LRBA: variants seen among roughly 807,000 people sequenced by gnomAD.
The protein encoded by LRBA is lipopolysaccharide-responsive and beige-like anchor protein.
A neutral mutation model predicts 330.0 loss-of-function variants in LRBA; 176 were observed. The observed-to-expected ratio is 0.53, with a 90% CI of 0.47 to 0.60. LRBA has a LOEUF of 0.60. Among genes scored for constraint, LRBA ranks in the 20% least tolerant of loss-of-function variants. The pLI is 0.00. For synonymous variants in LRBA, 1,230 were observed against 1,193.0 expected (o/e 1.03, Z -0.64); for missense variants, 3,259 against 3,444.8 (o/e 0.95, Z 1.35).
intron 47 of LRBA, among the ~76,000 whole-genome samples, chr4:150,367,614 G>C (rs1031711686): frequency 1.3e-5 from 2 of 152,142 alleles, no homozygotes; most frequent in Non-Finnish European, 2.9e-5. Context: ...CCGAAACTCG[G>C]ATTTATTTGA....
intron 40 of LRBA, among the ~76,000 whole-genome samples, chr4:150,500,932 G>C (rs1197462732): frequency 2.0e-5 from 3 of 152,116 alleles, no homozygotes; most frequent in Non-Finnish European, 2.9e-5. Flanking sequence ...ATTAGTACCT[G>C]CCTCCTACTA....
At chr4:150,559,043 A>T (rs1050789240) in intron 40 of LRBA, among the ~76,000 whole-genome samples, 1 of 152,224 alleles carries the variant, frequency 6.6e-6, no homozygotes, top group Non-Finnish European at 1.5e-5. Context: ...TGAAACTCTC[A>T]GACAGACATA....
intron 36 of LRBA, among the ~76,000 whole-genome samples, chr4:150,708,318 T>A (rs1490376021): frequency 6.6e-6 from 1 of 151,842 alleles, no homozygotes; most frequent in African/African-American, 2.4e-5. Context: ...ATCATTCTGG[T>A]CTTCTATCAA....
intron 37 of LRBA, among the ~76,000 whole-genome samples, chr4:150,619,394 C>T (rs1406185274): frequency 6.6e-6 from 1 of 152,056 alleles, no homozygotes; most frequent in Non-Finnish European, 1.5e-5. Flanking sequence ...TCAAGTATTG[C>T]AAAGCTTAAC....
At chr4:150,813,888 T>A (rs1367150378) in intron 31 of LRBA, among the ~76,000 whole-genome samples, 2 of 152,120 alleles carry the variant, frequency 1.3e-5, no homozygotes, top group Admixed American at 1.3e-4. Context: ...TGTTGTTTGG[T>A]AAGTTAGGTG....
intron 29 of LRBA, among the ~76,000 whole-genome samples, chr4:150,829,188 G>A (rs926009186): frequency 2.6e-5 from 4 of 152,038 alleles, no homozygotes; most frequent in African/African-American, 7.2e-5. Flanking sequence ...TACCTGCCTC[G>A]GCCTCCCAAA....
At chr4:150,839,344 C>G (rs1291748175) in intron 28 of LRBA, among the ~76,000 whole-genome samples, 2 of 152,196 alleles carry the variant, frequency 1.3e-5, no homozygotes, top group Admixed American at 6.5e-5. Flanking sequence ...CCTCAGGGAT[C>G]TAGAACTACA....
intron 27 of LRBA, among the ~76,000 whole-genome samples, 191 bp from the exon 28 acceptor site, chr4:150,844,398 G>A (rs913774187): frequency 4.6e-5 from 7 of 151,966 alleles, no homozygotes; most frequent in African/African-American, 1.7e-4. Flanking sequence ...AAGATGGCAT[G>A]CAGGAAAAAA....
intron 40 of LRBA, among the ~76,000 whole-genome samples, chr4:150,586,048 C>T (rs1215873388): frequency 6.6e-6 from 1 of 152,158 alleles, no homozygotes; most frequent in Non-Finnish European, 1.5e-5. Flanking sequence ...TTTCTAGTTG[C>T]TCTTCCTGTA....
intron 53 of LRBA, among the ~76,000 whole-genome samples, chr4:150,301,891 T>C (rs1268322216): frequency 2.0e-5 from 3 of 152,356 alleles, no homozygotes; most frequent in African/African-American, 7.2e-5. Context: ...TACAGTGTTG[T>C]CATAATCATT....
intron 44 of LRBA, among the ~76,000 whole-genome samples, chr4:150,446,881 T>C (rs1365011057): frequency 1.3e-5 from 2 of 152,330 alleles, no homozygotes; most frequent in Admixed American, 1.3e-4. Context: ...TTTTACCCTT[T>C]TTAAAATGAA....
intron 20 of LRBA, among the ~76,000 whole-genome samples, chr4:150,868,768 T>A (rs370995058): frequency 6.6e-6 from 1 of 151,808 alleles, no homozygotes; most frequent in Non-Finnish European, 1.5e-5. Flanking sequence ...CAAAACCCCA[T>A]CTCTACTAAA....
intron 30 of LRBA, among the ~76,000 whole-genome samples, chr4:150,822,787 C>A (rs1036047351): frequency 6.6e-6 from 1 of 152,026 alleles, no homozygotes; most frequent in African/African-American, 2.4e-5. Flanking sequence ...TGAAGCCAGG[C>A]GCAGTGGCTG....
At chr4:150,995,101 G>A (rs1234443242) in intron 2 of LRBA, among the ~76,000 whole-genome samples, 2 of 152,092 alleles carry the variant, frequency 1.3e-5, no homozygotes, top group Non-Finnish European at 2.9e-5. Context: ...CCCAGTCTCG[G>A]TGGAAGAGAA....
chr4:150,371,294 G>A (rs1335210002), intron 47 of LRBA, among the ~76,000 whole-genome samples: 1 of 144,412 alleles, frequency 6.9e-6, no homozygotes, highest in Admixed American at 7.3e-5. Context: ...CTGGGTTCAA[G>A]CGATTCTCCT....
chr4:150,533,533 C>T (rs1661498096), intron 40 of LRBA, among the ~76,000 whole-genome samples: 1 of 151,994 alleles, frequency 6.6e-6, no homozygotes, highest in Non-Finnish European at 1.5e-5. Context: ...GCTTACACTG[C>T]TGCTGTTGTT....
At chr4:150,615,484 T>C (rs2126599464) in intron 37 of LRBA, among the ~76,000 whole-genome samples, 1 of 152,220 alleles carries the variant, frequency 6.6e-6, no homozygotes, top group South Asian at 2.1e-4. Context: ...CATTGAATTA[T>C]GGATATATAT....
At chr4:150,397,882 G>C (rs1744958928) in intron 47 of LRBA, among the ~76,000 whole-genome samples, 1 of 151,994 alleles carries the variant, frequency 6.6e-6, no homozygotes, top group African/African-American at 2.4e-5. Context: ...AACAATGTCT[G>C]GTGCATATTA....
chr4:150,647,082 G>C (rs1404236502), intron 37 of LRBA, among the ~76,000 whole-genome samples: 2 of 151,838 alleles, frequency 1.3e-5, no homozygotes, highest in Non-Finnish European at 2.9e-5. Flanking sequence ...TAATATTTTA[G>C]TAAAAATCAG....
Sources: allele counts gnomAD v4.1 joint callset (sites outside exome capture counted in the v4.1 genomes callset), GRCh38; gene constraint gnomAD v4.1.1; transcripts MANE v1.5; gene names NCBI Gene and HGNC (gene_info 2026-07-23, HGNC 2026-07-21).